Variants in ZNF423 observed in about 807,000 individuals in gnomAD.
ZNF423 encodes zinc finger protein 423.
In ZNF423, 12 loss-of-function variants were observed where a neutral mutation model predicts 95.8. That is an observed-to-expected ratio of 0.13 (90% CI 0.08 to 0.20). The LOEUF (loss-of-function observed/expected upper bound fraction) is 0.20. Ranked by LOEUF, ZNF423 falls within the 10% of genes least tolerant of loss-of-function variation. The probability of loss-of-function intolerance (pLI) is 1.00; values close to 1 mark genes in which losing one functional copy is unlikely to be tolerated. For synonymous variants in ZNF423, 749 were observed against 711.9 expected (o/e 1.05, Z -0.83); for missense variants, 1,316 against 1,737.1 (o/e 0.76, Z 4.31).
intron 3 of ZNF423, among the ~76,000 whole-genome samples, chr16:49,723,069 C>A (rs558809534): frequency 1.3e-5 from 2 of 151,376 alleles, no homozygotes; most frequent in East Asian, 3.9e-4. Context: ...CATTCTCCTG[C>A]CTCAGCCTCC....
At chr16:49,768,660 A>C (rs2033974182) in intron 2 of ZNF423, among the ~76,000 whole-genome samples, 1 of 151,692 alleles carries the variant, frequency 6.6e-6, no homozygotes, top group Non-Finnish European at 1.5e-5. Flanking sequence ...CGATGTCCCA[A>C]CCTTCAATGC....
At chr16:49,758,285 C>T (rs1033847512) in intron 2 of ZNF423, among the ~76,000 whole-genome samples, 2 of 152,110 alleles carry the variant, frequency 1.3e-5, no homozygotes, top group African/African-American at 4.8e-5. Flanking sequence ...ATTATAGGCA[C>T]CCGCCACCAT....
chr16:49,535,238 C>T (rs1180683090), intron 5 of ZNF423, among the ~76,000 whole-genome samples: 1 of 152,234 alleles, frequency 6.6e-6, no homozygotes, highest in Non-Finnish European at 1.5e-5. Context: ...AGAGCTGATT[C>T]CACACTGCCA....
intron 7 of ZNF423, among the ~76,000 whole-genome samples, chr16:49,495,061 G>A (rs1967107624): frequency 6.6e-6 from 1 of 152,202 alleles, no homozygotes; most frequent in Non-Finnish European, 1.5e-5. Flanking sequence ...GTGGAGACAG[G>A]GGCCCAGGGA....
intron 5 of ZNF423, among the ~76,000 whole-genome samples, chr16:49,581,592 A>G (rs1970676459): frequency 6.6e-6 from 1 of 152,126 alleles, no homozygotes; most frequent in African/African-American, 2.4e-5. Context: ...CTCCCAACAC[A>G]TTTTATCTGT....
At chr16:49,836,331 C>T (rs922265539) in intron 1 of ZNF423, among the ~76,000 whole-genome samples, 2 of 152,032 alleles carry the variant, frequency 1.3e-5, no homozygotes, top group Non-Finnish European at 2.9e-5. Context: ...TGCTTCTCTC[C>T]CAAGTGAGCC....
intron 1 of ZNF423, among the ~76,000 whole-genome samples, chr16:49,848,680 A>T (rs762805019): frequency 3.3e-5 from 5 of 152,158 alleles, no homozygotes; most frequent in Admixed American, 2.6e-4. Context: ...CAAGACATTA[A>T]TTTTCAATTA....
At chr16:49,643,868 T>C (rs919205871) in intron 3 of ZNF423, among the ~76,000 whole-genome samples, 1 of 152,016 alleles carries the variant, frequency 6.6e-6, no homozygotes, top group Non-Finnish European at 1.5e-5. Flanking sequence ...AAAAAGAACA[T>C]TAACTGGGCT....
At chr16:49,718,431 G>A (rs140412331) in intron 3 of ZNF423, among the ~76,000 whole-genome samples, 183 of 152,152 alleles carry the variant, frequency 1.2e-3, no homozygotes, top group Admixed American at 4.1e-3. Flanking sequence ...GTGAATGAAC[G>A]CACACGTGCC....
intron 1 of ZNF423, among the ~76,000 whole-genome samples, chr16:49,804,338 A>G (rs1232107301): frequency 6.6e-6 from 1 of 152,214 alleles, no homozygotes; most frequent in East Asian, 1.9e-4. Flanking sequence ...CAAAATCTTA[A>G]AAGTCCATGG....
At chr16:49,655,814 C>T (rs78015775) in intron 3 of ZNF423, among the ~76,000 whole-genome samples, 15 of 152,346 alleles carry the variant, frequency 9.8e-5, no homozygotes, top group East Asian at 7.7e-4. Flanking sequence ...ATCCATCTCA[C>T]GGTCACTTCG....
chr16:49,688,052 C>T (rs1481204972), intron 3 of ZNF423, among the ~76,000 whole-genome samples: 2 of 28,032 alleles, frequency 7.1e-5, no homozygotes, highest in African/African-American at 1.5e-4. Flanking sequence ...GACCACGGTG[C>T]GGTTTTTTTT....
In ZNF423 at chr16:49,835,535, TGG is replaced by T. The variant is rs529293500; in HGVS notation, c.40+20198_40+20199del. Among the ~76,000 whole-genome samples the T allele has an allele frequency of 1.2e-3, 189 of 152,256 alleles. 2 individuals are homozygous for T. The highest frequency in any genetic ancestry group is 4.2e-3 in the African/African-American group (173 of 41,540). Reference sequence around the variant, plus strand: ...GCCACAGACCCCTCAGAGACAGGGCTGGGGGCCCACAGTCTGCTCCGGGGAGA... The same window carrying T: ...GCCACAGACCCCTCAGAGACAGGGCTGGGCCCACAGTCTGCTCCGGGGAGA... On this transcript the variant is annotated intron_variant, in intron 1 of 7. Transcript: ENST00000563137.
intron 2 of ZNF423, among the ~76,000 whole-genome samples, chr16:49,743,312 C>A (rs2033453723): frequency 6.6e-6 from 1 of 152,172 alleles, no homozygotes; most frequent in Non-Finnish European, 1.5e-5. Flanking sequence ...GCTCTGGGAG[C>A]TCGCTGGGCA....
rs1597019539 is a variant in ZNF423 at position 49,799,103 on chromosome 16, C to A, written c.41-9557G>T. On this transcript the variant is annotated intron_variant, in intron 1 of 7. Coordinates refer to ENST00000563137, the MANE Select transcript of ZNF423 (RefSeq NM_001379286.1). ...GGCTCTGGAATAGGCTGCTGTCCCC[C>A]AAGTGATCACTTGCAGGCCATCAGA... Among the ~76,000 whole-genome samples, 3 of 152,244 alleles carry A rather than the reference C, an allele frequency of 2.0e-5. 1 individual carries two copies. The highest frequency in any genetic ancestry group is 2.0e-4 in the Admixed American group (3 of 15,292).
intron 3 of ZNF423, among the ~76,000 whole-genome samples, chr16:49,712,353 G>A (rs1939617387): frequency 6.6e-6 from 1 of 152,024 alleles, no homozygotes; most frequent in African/African-American, 2.4e-5. Context: ...TTTGTGAAGA[G>A]GAGAAAAAAA....
chr16:49,784,336 A>G (rs889555603), intron 2 of ZNF423, among the ~76,000 whole-genome samples: 2 of 152,132 alleles, frequency 1.3e-5, no homozygotes, highest in Admixed American at 1.3e-4. Context: ...AGGAGTTCAA[A>G]TCCAGCCTGG....
chr16:49,645,207 C>T (rs1973129559), intron 3 of ZNF423, among the ~76,000 whole-genome samples: 1 of 152,158 alleles, frequency 6.6e-6, no homozygotes, highest in African/African-American at 2.4e-5. Context: ...TTCTCTGCTG[C>T]CCCCATACAG....
At chr16:49,825,819 A>G (rs2034999602) in intron 1 of ZNF423, among the ~76,000 whole-genome samples, 1 of 152,196 alleles carries the variant, frequency 6.6e-6, no homozygotes, top group Non-Finnish European at 1.5e-5. Context: ...ATCCAGACCT[A>G]ATCCATCCAG....
Sources: allele counts gnomAD v4.1 joint callset (sites outside exome capture counted in the v4.1 genomes callset), GRCh38; gene constraint gnomAD v4.1.1; transcripts MANE v1.5; gene names NCBI Gene and HGNC (gene_info 2026-07-23, HGNC 2026-07-21).